RAB10: variants seen among roughly 807,000 people sequenced by gnomAD.
RAB10 encodes the protein ras-related protein Rab-10.
RAB10 carries 5 observed loss-of-function variants against 25.7 expected under a neutral mutation model. The observed-to-expected ratio is 0.19, with a 90% confidence interval of 0.10 to 0.41. The LOEUF (loss-of-function observed/expected upper bound fraction) is 0.41, where lower values mean the gene tolerates loss of function less well. Among genes scored for constraint, RAB10 ranks in the 10% least tolerant of loss-of-function variants. The pLI, the probability that RAB10 is intolerant of heterozygous loss-of-function variation, is 1.00. For missense variants in RAB10, 103 were observed against 245.8 expected, an observed-to-expected ratio of 0.42 and a Z score of 3.89; for synonymous variants, 89 against 86.4, an observed-to-expected ratio of 1.03 and a Z score of -0.16.
chr2:26,100,732 A>T (rs1667323464), intron 2 of RAB10, among the ~76,000 whole-genome samples: 1 of 152,156 alleles, frequency 6.6e-6, no homozygotes, highest in South Asian at 2.1e-4. Flanking sequence ...AGGATGTCAA[A>T]TTTCTCATGT....
intron 1 of RAB10, among the ~76,000 whole-genome samples, chr2:26,064,615 G>A (rs1264852042): frequency 1.3e-5 from 2 of 151,964 alleles, no homozygotes; most frequent in African/African-American, 4.8e-5. Context: ...AAAATGCTGG[G>A]GTTACAGTGC....
intron 5 of RAB10, among the ~76,000 whole-genome samples, chr2:26,130,752 A>G (rs958433835): frequency 6.6e-6 from 1 of 152,132 alleles, no homozygotes; most frequent in African/African-American, 2.4e-5. Flanking sequence ...CAAAAATTGT[A>G]TTTTTAATTA....
chr2:26,134,876 A>G, intron 5 of RAB10, 62 bp from the exon 6 acceptor site: 2 of 1,316,986 alleles, frequency 1.5e-6, no homozygotes, highest in South Asian at 2.5e-5. Flanking sequence ...TTCCTGTTGA[A>G]TCGTGATTTT....
chr2:26,064,359 T>A (rs1666469778), intron 1 of RAB10, among the ~76,000 whole-genome samples: 1 of 152,106 alleles, frequency 6.6e-6, no homozygotes, highest in Non-Finnish European at 1.5e-5. Flanking sequence ...TGAGGTGGGG[T>A]CTCATTCTGC....
chr2:26,070,029 T>C (rs1376955290), intron 1 of RAB10, among the ~76,000 whole-genome samples: 1 of 152,184 alleles, frequency 6.6e-6, no homozygotes, highest in African/African-American at 2.4e-5. Context: ...GACAATAATC[T>C]TGGTTTGGGG....
intron 1 of RAB10, among the ~76,000 whole-genome samples, chr2:26,043,085 TGA>T: frequency 6.6e-6 from 1 of 152,284 alleles, no homozygotes; most frequent in South Asian, 2.1e-4. Context: ...AATTACCATA[TGA>T]TCTAGTGATC....
intron 1 of RAB10, among the ~76,000 whole-genome samples, chr2:26,054,134 G>A (rs1199040912): frequency 7.0e-5 from 10 of 142,546 alleles, no homozygotes; most frequent in Admixed American, 3.0e-4. Flanking sequence ...TGCAACCTCT[G>A]CCTCCCAGGT....
intron 1 of RAB10, among the ~76,000 whole-genome samples, chr2:26,089,789 C>T (rs532911556): frequency 2.6e-5 from 4 of 152,100 alleles, no homozygotes; most frequent in Non-Finnish European, 5.9e-5. Context: ...ATATTCCTGG[C>T]ACCTCTTTCT....
intron 1 of RAB10, among the ~76,000 whole-genome samples, chr2:26,068,624 T>C (rs4233709): frequency 0.77 from 116,937 of 152,082 alleles, 45,026 homozygotes; most frequent in East Asian, 0.87. Flanking sequence ...GTTCTGATCA[T>C]AGTTAATTTG....
chr2:26,051,362 C>T (rs1401112586), intron 1 of RAB10, among the ~76,000 whole-genome samples: 135 of 960 alleles, frequency 0.14, 4 homozygotes, highest in Non-Finnish European at 0.26. Context: ...CCCTTTTTGC[C>T]CCCCCCCCCC....
chr2:26,061,538 C>T (rs1666394471), intron 1 of RAB10, among the ~76,000 whole-genome samples: 1 of 151,846 alleles, frequency 6.6e-6, no homozygotes, highest in South Asian at 2.1e-4. Flanking sequence ...TGCATGCCAC[C>T]ATGCCTGACT....
chr2:26,088,813 CAG>C (rs1251709237), intron 1 of RAB10, among the ~76,000 whole-genome samples: 1 of 151,980 alleles, frequency 6.6e-6, no homozygotes, highest in Non-Finnish European at 1.5e-5. Context: ...TTAGTAGACA[CAG>C]GGTTTCACCG....
chr2:26,080,784 G>A (rs1366146691), intron 1 of RAB10, among the ~76,000 whole-genome samples: 1 of 152,158 alleles, frequency 6.6e-6, no homozygotes, highest in African/African-American at 2.4e-5. Flanking sequence ...ACAGGCGCTT[G>A]ACTCCCAAGA....
intron 1 of RAB10, among the ~76,000 whole-genome samples, chr2:26,041,094 T>A (rs1665874189): frequency 6.6e-6 from 1 of 151,652 alleles, no homozygotes; most frequent in African/African-American, 2.4e-5. Context: ...ATTTAATGGG[T>A]GCACCATAAA....
intron 2 of RAB10, among the ~76,000 whole-genome samples, chr2:26,105,368 C>T (rs114087990): frequency 2.6e-4 from 40 of 152,048 alleles, no homozygotes; most frequent in African/African-American, 9.4e-4. Flanking sequence ...AGAATGCAGT[C>T]GGCTGGGCAC....
intron 1 of RAB10, among the ~76,000 whole-genome samples, chr2:26,083,475 C>T (rs1041403315): frequency 6.7e-6 from 1 of 148,458 alleles, no homozygotes; most frequent in African/African-American, 2.5e-5. Flanking sequence ...CTTTCCTTCC[C>T]TGTACTTTCC....
intron 1 of RAB10, among the ~76,000 whole-genome samples, chr2:26,038,865 C>G (rs1303548531): frequency 4.1e-5 from 6 of 145,302 alleles, no homozygotes; most frequent in Non-Finnish European, 7.4e-5. Context: ...GCGGAGCTTG[C>G]AGTGAGCCGA....
intron 1 of RAB10, among the ~76,000 whole-genome samples, chr2:26,084,685 A>G (rs1474326635): frequency 2.1e-5 from 3 of 143,300 alleles, no homozygotes; most frequent in African/African-American, 5.3e-5. Flanking sequence ...ATAAGGTTCT[A>G]TGTAATTTTT....
intron 1 of RAB10, among the ~76,000 whole-genome samples, chr2:26,051,711 G>A (rs190730185): frequency 1.0e-4 from 15 of 150,568 alleles, no homozygotes; most frequent in East Asian, 3.9e-4. Flanking sequence ...CCAAGATTGC[G>A]CCACTGCACT....
Sources: gnomAD v4.1 joint callset for allele counts (sites outside exome capture counted in the v4.1 genomes callset) on GRCh38, gnomAD v4.1.1 for gene constraint, MANE v1.5 for transcripts, NCBI Gene and HGNC (gene_info 2026-07-23, HGNC 2026-07-21) for gene names.